SYTL4: variants seen among roughly 807,000 people sequenced by gnomAD.
SYTL4 encodes synaptotagmin-like protein 4.
Under a neutral mutation model 52.7 loss-of-function variants are expected in SYTL4, and 16 were observed. That is an observed-to-expected ratio of 0.30 (90% CI 0.21 to 0.46). The LOEUF (loss-of-function observed/expected upper bound fraction) is 0.46. Ranked by LOEUF, SYTL4 falls within the 20% of genes least tolerant of loss-of-function variation. The probability of loss-of-function intolerance (pLI) is 1.00; values close to 1 mark genes in which losing one functional copy is unlikely to be tolerated. For synonymous variants in SYTL4, 160 were observed against 186.6 expected (o/e 0.86, Z 1.16); for missense variants, 423 against 519.9 (o/e 0.81, Z 1.81).
intron 14 of SYTL4, 98 bp from the exon 15 acceptor site, chrX:100,686,879 A>G (rs780262554): frequency 4.7e-5 from 38 of 807,037 alleles, no homozygotes; most frequent in Non-Finnish European, 6.5e-5. Context: ...GTGACATGTG[A>G]TGTCAAAAAT....
chrX:100,689,124 G>T (rs2083534309), intron 12 of SYTL4, among the ~76,000 whole-genome samples: 1 of 103,698 alleles, frequency 9.6e-6, no homozygotes, highest in Non-Finnish European at 1.9e-5. Flanking sequence ...TGTAATTCCA[G>T]CACTTTGGGA....
rs758158157 is a variant in SYTL4, at chrX:100,686,790, CAA to C, written c.1185-11_1185-10del. The C allele has an allele frequency of 1.1e-5, 13 of 1,183,181 alleles. No individual in the cohort carries two copies. In the African/African-American group the frequency reaches 1.9e-4, roughly 18 times the overall value. ...GGTAAGTCTTCACATATCTAGAAAC[CAA>C]AGACAGCACTGAGTAATTTGCTGGC... On this transcript the variant is annotated splice_polypyrimidine_tract_variant and intron_variant, in intron 14 of 19. Coordinates refer to ENST00000372989, the MANE Select transcript of SYTL4 (RefSeq NM_001370165.1).
chrX:100,697,142 C>T (rs909166191), intron 8 of SYTL4, among the ~76,000 whole-genome samples: 4 of 111,894 alleles, frequency 3.6e-5, no homozygotes, highest in Non-Finnish European at 7.5e-5. Flanking sequence ...CAGAGACAGA[C>T]AAGACTGATG....
At chrX:100,702,822 G>A (rs1203309048) in intron 4 of SYTL4, among the ~76,000 whole-genome samples, 2 of 111,521 alleles carry the variant, frequency 1.8e-5, no homozygotes, top group East Asian at 2.8e-4. Flanking sequence ...ACAGTACAAC[G>A]CATTAAGTGC....
chrX:100,701,749 A>G lies in SYTL4; in HGVS notation c.111-76T>C, dbSNP rs2083857609. 5 of 1,000,914 alleles carry G rather than the reference A, an allele frequency of 5.0e-6. No individual in the cohort carries two copies. In the African/African-American group the frequency reaches 5.7e-5, roughly 11 times the overall value. The allele number at this position is 1,000,914 out of a possible 1,213,427, so 82.5% of individuals were successfully genotyped here. On this transcript the variant is annotated intron_variant, in intron 5 of 19. Transcript: ENST00000372989. Reference sequence around the variant, plus strand: ...TGGATGGAGAGGGGTTGAGAGGTAAAGACAGTAAGACTATTTGGTTCTGTG... The same window carrying G: ...TGGATGGAGAGGGGTTGAGAGGTAAGGACAGTAAGACTATTTGGTTCTGTG...
chrX:100,681,087 T>C (rs960602488), intron 17 of SYTL4, 140 bp downstream of exon 17: 14 of 482,824 alleles, frequency 2.9e-5, no homozygotes, highest in Non-Finnish European at 4.0e-5. Flanking sequence ...GAGGCTTCCT[T>C]AGTAAAGGAA....
chrX:100,675,797 A>G lies in SYTL4; in HGVS notation c.*231T>C, dbSNP rs1399707025. 9.8e-6 allele frequency: 3 copies of G among 305,710 alleles called. No individual in the cohort carries two copies. Among genetic ancestry groups the G allele is most frequent in the Non-Finnish European group, 1.7e-5 (3 of 176,058 alleles). 25.2% of individuals were successfully genotyped at this position (305,710 alleles called of 1,213,427 possible). ...TAGATTATACACAGAAACATTTTAA[A>G]GAAATGCTTATTCTTGAGACTGCTT... On this transcript the variant is annotated 3_prime_UTR_variant, in exon 20 of 20. Transcript: ENST00000372989.
In SYTL4 at chrX:100,700,963, T is replaced by A. The variant is rs780830960; in HGVS notation, c.473A>T (p.His158Leu). The change falls in exon 8 of 20, where the codon CAT becomes CTT. Residue 158 changes from histidine to leucine, a missense_variant. By Grantham distance (99) the His-to-Leu change is moderately conservative. Coordinates refer to ENST00000372989, the MANE Select transcript of SYTL4 (RefSeq NM_001370165.1). Reference protein sequence around the residue: ...KRETVGQSLLHQTQMGDIWPG... With the variant: ...KRETVGQSLLLQTQMGDIWPG... ...CCAGATGTCACCCATCTGTGTCTGATGAAGGAGGGACTGTCCCACTGTCTC... is the reference window on the plus strand; with the variant it reads ...CCAGATGTCACCCATCTGTGTCTGAAGAAGGAGGGACTGTCCCACTGTCTC... 8.3e-7 allele frequency: 1 copy of A among 1,208,756 alleles called. No individual in the cohort carries two copies. The highest frequency in any genetic ancestry group is 1.7e-5 in the African/African-American group (1 of 57,220).
Position 100,698,346 on chromosome X carries a change from G to A in SYTL4, c.539+2551C>T, listed in dbSNP as rs112056906. Among the ~76,000 whole-genome samples the A allele has an allele frequency of 2.5e-3, 282 of 111,115 alleles. 1 individual carries two copies. The Middle Eastern group carries it at 0.028, about 11-fold the overall frequency. On this transcript the variant is annotated intron_variant, in intron 8 of 19. Transcript: ENST00000372989. The stretch of plus-strand genomic sequence containing the variant: ...TCTCGATCTCCTGACCTTGTGATCC[G>A]CCCGCCTCGGCCTCCCAAAGTGCTG...
intron 16 of SYTL4, among the ~76,000 whole-genome samples, chrX:100,681,739 G>A (rs1323446347): frequency 2.7e-5 from 3 of 112,054 alleles, no homozygotes; most frequent in Non-Finnish European, 5.6e-5. Flanking sequence ...AATCACTATA[G>A]AAAGAGTTAA....
chrX:100,701,428 C>A, intron 6 of SYTL4, 30 bp downstream of exon 6: 1 of 1,193,714 alleles, frequency 8.4e-7, no homozygotes, highest in Non-Finnish European at 1.1e-6. Context: ...GGCCTCGCCC[C>A]CTCTCTACTC....
At chrX:100,724,312 C>T (rs1437619082) in intron 2 of SYTL4, among the ~76,000 whole-genome samples, 1 of 104,900 alleles carries the variant, frequency 9.5e-6, no homozygotes, top group Non-Finnish European at 2.0e-5. Flanking sequence ...TCTGCCCGGC[C>T]GCCCCTACTG....
intron 19 of SYTL4, 90 bp from the exon 20 acceptor site, chrX:100,676,266 T>A: frequency 9.8e-7 from 1 of 1,021,708 alleles, no homozygotes; most frequent in Admixed American, 2.4e-5. Flanking sequence ...AGCCACCCCA[T>A]AACAGTTTCC....
chrX:100,726,723 C>CTGTCTA (rs1325663752), intron 2 of SYTL4, among the ~76,000 whole-genome samples: 1 of 110,874 alleles, frequency 9.0e-6, no homozygotes, highest in African/African-American at 3.3e-5. Flanking sequence ...CTGTGCCTTA[C>CTGTCTA]TGTCTATAAG....
chrX:100,698,125 T>C (rs149364855), intron 8 of SYTL4, among the ~76,000 whole-genome samples: 4,548 of 111,212 alleles, frequency 0.041, 237 homozygotes, highest in African/African-American at 0.14. Flanking sequence ...TTTTTTGAGA[T>C]GGAGTCTTGC....
At chrX:100,721,951 G>A (rs191403005) in intron 2 of SYTL4, among the ~76,000 whole-genome samples, 370 of 109,677 alleles carry the variant, frequency 3.4e-3, no homozygotes, top group Middle Eastern at 0.019. Context: ...ACAGGTGTGC[G>A]CCACCATGCC....
chrX:100,681,450 A>C (rs762123232), intron 16 of SYTL4, 115 bp from the exon 17 acceptor site: 2 of 507,146 alleles, frequency 3.9e-6, no homozygotes, highest in East Asian at 3.6e-5. Flanking sequence ...GCAAAAGAGG[A>C]TCCTTCTTCA....
intron 3 of SYTL4, 22 bp from the exon 4 acceptor site, chrX:100,703,207 C>T (rs1055583710): frequency 7.3e-5 from 8 of 109,941 alleles, no homozygotes; most frequent in African/African-American, 2.7e-4. Context: ...AAAATCAAAA[C>T]TTAGCTAGCC....
At chrX:100,712,438 T>C (rs577107947) in intron 2 of SYTL4, among the ~76,000 whole-genome samples, 2 of 111,884 alleles carry the variant, frequency 1.8e-5, no homozygotes, top group East Asian at 2.8e-4. Flanking sequence ...ACGAACAGAA[T>C]AGAGAGTATG....
Sources: allele counts gnomAD v4.1 joint callset (sites outside exome capture counted in the v4.1 genomes callset), GRCh38; gene constraint gnomAD v4.1.1; transcripts MANE v1.5; gene names NCBI Gene and HGNC (gene_info 2026-07-23, HGNC 2026-07-21).